ACTR3C: variants seen among roughly 807,000 people sequenced by gnomAD.
ACTR3C encodes actin related protein 3C.
ACTR3C carries 18 observed loss-of-function variants against 26.3 expected under a neutral mutation model. The ratio of observed to expected loss-of-function variants is 0.68; its 90% confidence interval spans 0.47 to 1.01. The LOEUF (loss-of-function observed/expected upper bound fraction) is 1.01, where lower values mean the gene tolerates loss of function less well. ACTR3C is among the 50% of genes least tolerant of loss of function. The pLI is 0.00. For synonymous variants in ACTR3C, 55 were observed against 94.5 expected (o/e 0.58, Z 2.42); for missense variants, 184 against 250.7 (o/e 0.73, Z 1.80).
At chr7:149,999,231 T>C in the ACTR3C span, among the ~76,000 whole-genome samples, 1 of 150,966 alleles carries the variant, frequency 6.6e-6, no homozygotes, top group African/African-American at 2.4e-5. Context: ...GTGATAATCC[T>C]GTATTTTAAA....
chr7:150,250,289 T>C lies in ACTR3C; in HGVS notation c.565-1235A>G, dbSNP rs533409450. Reference sequence around the variant, plus strand: ...CGCGATCTCGGCTCACTGCAAGCTCTGCCTCCCGGGTTCACGCCACTCTCC... The same window carrying C: ...CGCGATCTCGGCTCACTGCAAGCTCCGCCTCCCGGGTTCACGCCACTCTCC... On this transcript the variant is annotated intron_variant, in intron 6 of 7. Coordinates refer to ENST00000683684, the MANE Select transcript of ACTR3C (RefSeq NM_001164458.2). 3.3e-3 allele frequency among the ~76,000 whole-genome samples: 488 copies of C among 149,290 alleles called. 2 individuals carry two copies. The highest frequency in any genetic ancestry group is 5.2e-3 in the Non-Finnish European group (355 of 67,646).
chr7:150,212,109 C>G, the ACTR3C span, among the ~76,000 whole-genome samples: 1 of 146,890 alleles, frequency 6.8e-6, no homozygotes, highest in Non-Finnish European at 1.5e-5. Flanking sequence ...AGGGCATGCA[C>G]AAGAAATTAC....
chr7:150,306,646 AG>A (rs1402879326), intron 1 of ACTR3C, among the ~76,000 whole-genome samples: 1 of 152,220 alleles, frequency 6.6e-6, no homozygotes, highest in African/African-American at 2.4e-5. Flanking sequence ...CAGGAGTTTG[AG>A]GCCAGCTTGG....
chr7:149,921,559 T>C, the ACTR3C span, among the ~76,000 whole-genome samples: 1 of 152,158 alleles, frequency 6.6e-6, no homozygotes, highest in Admixed American at 6.6e-5. Context: ...TTGTCTAAAT[T>C]TAAGAGCAAA....
intron 1 of ACTR3C, among the ~76,000 whole-genome samples, chr7:150,312,684 G>T (rs533794752): frequency 6.6e-6 from 1 of 152,138 alleles, no homozygotes; most frequent in Non-Finnish European, 1.5e-5. Context: ...TCTTTAAGGT[G>T]TCCATGCAGT....
At chr7:149,911,982 C>A in the ACTR3C span, among the ~76,000 whole-genome samples, 4 of 149,540 alleles carry the variant, frequency 2.7e-5, no homozygotes, top group Non-Finnish European at 5.9e-5. Flanking sequence ...TGCCCTGTAG[C>A]CCGGGTGACA....
the ACTR3C span, among the ~76,000 whole-genome samples, chr7:149,914,633 G>C: frequency 6.7e-6 from 1 of 150,356 alleles, no homozygotes; most frequent in Admixed American, 6.6e-5. Flanking sequence ...GCTCAATCCA[G>C]GAAAGTAAAA....
the ACTR3C span, among the ~76,000 whole-genome samples, chr7:150,143,652 C>G: frequency 6.6e-6 from 1 of 152,122 alleles, no homozygotes; most frequent in Non-Finnish European, 1.5e-5. Context: ...AAAGGCAAAA[C>G]CGTGAGTGGA....
rs575773750 is a variant in ACTR3C, at chr7:150,248,966, C to T, written c.*20G>A. 21 of 622,328 alleles carry T rather than the reference C, an allele frequency of 3.4e-5. No individual in the cohort carries two copies. In the East Asian group the frequency reaches 6.0e-4, roughly 18 times the overall value. The allele number at this position is 622,328 out of a possible 1,614,324, so 38.6% of individuals were successfully genotyped here. The stretch of plus-strand genomic sequence containing the variant: ...AGAATACCTCAAATAAAAGGCTACG[C>T]ATGGGCTCAATATATCATCTCAATG... On this transcript the variant is annotated 3_prime_UTR_variant, in exon 7 of 8. Coordinates refer to ENST00000683684, the MANE Select transcript of ACTR3C (RefSeq NM_001164458.2).
the ACTR3C span, among the ~76,000 whole-genome samples, chr7:149,882,279 G>A: frequency 2.0e-5 from 3 of 152,188 alleles, no homozygotes; most frequent in African/African-American, 7.2e-5. Context: ...TCTGCTCTTT[G>A]GGTTCTTGCC....
At chr7:150,131,341 A>G in the ACTR3C span, among the ~76,000 whole-genome samples, 2 of 151,754 alleles carry the variant, frequency 1.3e-5, no homozygotes, top group Non-Finnish European at 2.9e-5. Flanking sequence ...TGCATCTGTT[A>G]GAAGCAAAGT....
chr7:150,267,381 C>T (rs10259744), intron 6 of ACTR3C, among the ~76,000 whole-genome samples: 17,982 of 152,144 alleles, frequency 0.12, 1,777 homozygotes, highest in African/African-American at 0.25. Context: ...GATGAAATCT[C>T]GAGCTGTCCC....
intron 6 of ACTR3C, among the ~76,000 whole-genome samples, chr7:150,261,576 C>T (rs1299768685): frequency 2.6e-5 from 4 of 152,240 alleles, no homozygotes; most frequent in Non-Finnish European, 4.4e-5. Flanking sequence ...GTGGCACATG[C>T]CTATAATCCC....
At chr7:150,308,194 C>A (rs988603494) in intron 1 of ACTR3C, among the ~76,000 whole-genome samples, 2 of 152,102 alleles carry the variant, frequency 1.3e-5, no homozygotes, top group Admixed American at 1.3e-4. Flanking sequence ...CCCCTCTCTT[C>A]GAGTCTCTAC....
the ACTR3C span, among the ~76,000 whole-genome samples, chr7:150,008,933 C>T: frequency 1.3e-5 from 2 of 152,076 alleles, no homozygotes; most frequent in East Asian, 1.9e-4. Context: ...TGGAGTTCAC[C>T]ATACAGCAGT....
chr7:150,224,621 G>T, the ACTR3C span, among the ~76,000 whole-genome samples: 2 of 152,170 alleles, frequency 1.3e-5, no homozygotes, highest in Non-Finnish European at 2.9e-5. Context: ...GCCAGGCAAA[G>T]GTTGGGATTT....
At chr7:150,123,861 A>G in the ACTR3C span, among the ~76,000 whole-genome samples, 2 of 152,274 alleles carry the variant, frequency 1.3e-5, no homozygotes, top group Admixed American at 1.3e-4. Flanking sequence ...GAGCAGGACA[A>G]TGGCTCACCC....
At chr7:149,904,257 C>T in the ACTR3C span, among the ~76,000 whole-genome samples, 2 of 149,674 alleles carry the variant, frequency 1.3e-5, no homozygotes, top group Admixed American at 6.7e-5. Context: ...TAAGGCCAGG[C>T]GCAGTGGCTC....
At chr7:150,300,425 C>A (rs1795362661) in intron 1 of ACTR3C, among the ~76,000 whole-genome samples, 1 of 152,110 alleles carries the variant, frequency 6.6e-6, no homozygotes, top group African/African-American at 2.4e-5. Context: ...CACAATCACC[C>A]CTGGAACATG....
Sources: gnomAD v4.1 joint callset for allele counts (sites outside exome capture counted in the v4.1 genomes callset) on GRCh38, gnomAD v4.1.1 for gene constraint, MANE v1.5 for transcripts, NCBI Gene and HGNC (gene_info 2026-07-23, HGNC 2026-07-21) for gene names.